Variants in NCAPD2 observed in about 807,000 individuals in gnomAD.
NCAPD2 encodes the protein condensin complex subunit 1.
A neutral mutation model predicts 164.5 loss-of-function variants in NCAPD2; 100 were observed. The ratio of observed to expected loss-of-function variants is 0.61; its 90% CI spans 0.52 to 0.72. The LOEUF (loss-of-function observed/expected upper bound fraction) is 0.72, where lower values mean the gene tolerates loss of function less well. Among genes scored for constraint, NCAPD2 ranks in the 30% least tolerant of loss-of-function variants. The pLI is 0.00. For synonymous variants in NCAPD2, 585 were observed against 642.6 expected (o/e 0.91, Z 1.36); for missense variants, 1,560 against 1,749.2 (o/e 0.89, Z 1.93).
intron 2 of NCAPD2, among the ~76,000 whole-genome samples, chr12:6,503,265 CTG>C (rs1946055544): frequency 8.6e-3 from 2 of 232 alleles, no homozygotes; most frequent in Non-Finnish European, 0.018. Flanking sequence ...AGAAAATGGA[CTG>C]AGAAAAATAT....
intron 13 of NCAPD2, 40 bp downstream of exon 13, chr12:6,517,999 G>A (rs1208646067): frequency 6.3e-7 from 1 of 1,591,764 alleles, no homozygotes; most frequent in Non-Finnish European, 8.6e-7. Context: ...ATCTGTTTAT[G>A]TTTAGAGTTA....
intron 2 of NCAPD2, 79 bp from the exon 3 acceptor site, chr12:6,509,638 C>G: frequency 7.9e-7 from 1 of 1,268,298 alleles, no homozygotes; most frequent in Non-Finnish European, 1.1e-6. Flanking sequence ...AGCAATAAAC[C>G]TAGTTTTCTG....
intron 11 of NCAPD2, 21 bp downstream of exon 11, chr12:6,517,520 A>G (rs768725543): frequency 6.2e-7 from 1 of 1,614,230 alleles, no homozygotes; most frequent in East Asian, 2.2e-5. Flanking sequence ...TTGGTCCACC[A>G]AAAGAGAAGG....
chr12:6,501,307 C>T (rs960233013), intron 2 of NCAPD2, among the ~76,000 whole-genome samples: 1 of 135,576 alleles, frequency 7.4e-6, no homozygotes, highest in African/African-American at 2.8e-5. Flanking sequence ...GTGGCACCAT[C>T]TCGGTTCACT....
At chr12:6,511,086 C>T in intron 5 of NCAPD2, 24 bp from the exon 6 acceptor site, 1 of 1,604,884 alleles carries the variant, frequency 6.2e-7, no homozygotes. Context: ...ATTTTTTCCT[C>T]AATGTATACA....
Position 6,526,624 on chromosome 12 carries a change from G to A in NCAPD2, c.2734+9G>A, listed in dbSNP as rs1450379952. On this transcript the variant is annotated intron_variant, in intron 21 of 31. Transcript: ENST00000315579. ...CAGTCAGGAGGACCCGAGTAAGTGG[G>A]CAGGGGTTGACCCACTGCGGCAGCC... 2 of 1,611,692 alleles carry A rather than the reference G, an allele frequency of 1.2e-6. No homozygotes were observed. Among genetic ancestry groups the A allele is most frequent in the South Asian group, 2.2e-5 (2 of 91,002 alleles).
intron 17 of NCAPD2, 127 bp from the exon 18 acceptor site, chr12:6,525,453 CTCT>C: frequency 9.1e-7 from 1 of 1,099,692 alleles, no homozygotes; most frequent in Non-Finnish European, 1.3e-6. Flanking sequence ...TTTGAACCTC[CTCT>C]TTTCTTTTTC....
chr12:6,505,581 G>A (rs982715113), intron 2 of NCAPD2, among the ~76,000 whole-genome samples: 2 of 152,202 alleles, frequency 1.3e-5, no homozygotes. Context: ...GCTCGCGCCT[G>A]TAATTCTAGC....
At chr12:6,501,401 T>G (rs184154785) in intron 2 of NCAPD2, among the ~76,000 whole-genome samples, 6 of 152,262 alleles carry the variant, frequency 3.9e-5, no homozygotes, top group African/African-American at 1.2e-4. Flanking sequence ...TTGTCCAGTC[T>G]GGTCTTGAAC....
intron 2 of NCAPD2, among the ~76,000 whole-genome samples, chr12:6,505,180 C>T (rs1445485260): frequency 6.6e-6 from 1 of 152,166 alleles, no homozygotes; most frequent in Admixed American, 6.5e-5. Context: ...GATTCTCCTG[C>T]CTAAGCCTCC....
chr12:6,525,985 C>A, intron 18 of NCAPD2, 83 bp from the exon 19 acceptor site: 1 of 1,533,632 alleles, frequency 6.5e-7, no homozygotes, highest in Non-Finnish European at 8.8e-7. Context: ...ACATGAGGTG[C>A]TGGTACCTAC....
At chr12:6,527,689 C>T in intron 22 of NCAPD2, 88 bp from the exon 23 acceptor site, 2 of 1,238,478 alleles carry the variant, frequency 1.6e-6, no homozygotes, top group Admixed American at 2.1e-5. Flanking sequence ...TTTGCCCTTC[C>T]TCACTTTGTT....
chr12:6,509,016 C>T (rs1946121834), intron 2 of NCAPD2, among the ~76,000 whole-genome samples: 1 of 151,258 alleles, frequency 6.6e-6, no homozygotes, highest in African/African-American at 2.4e-5. Flanking sequence ...GGAAGGAGAC[C>T]TGACAACTAA....
At chr12:6,524,803 T>TAGC (rs1443813191) in intron 17 of NCAPD2, among the ~76,000 whole-genome samples, 1 of 152,214 alleles carries the variant, frequency 6.6e-6, no homozygotes. Context: ...TTCTGCTTTG[T>TAGC]AGCATTTGCA....
chr12:6,527,131 T>C (rs1247975212), intron 22 of NCAPD2, 68 bp downstream of exon 22: 2 of 1,455,816 alleles, frequency 1.4e-6, no homozygotes, highest in Non-Finnish European at 1.8e-6. Flanking sequence ...GCTGATCCCC[T>C]TCCGGCAATC....
At chr12:6,505,577 G>A (rs538086261) in intron 2 of NCAPD2, among the ~76,000 whole-genome samples, 2 of 152,082 alleles carry the variant, frequency 1.3e-5, no homozygotes, top group Admixed American at 6.6e-5. Flanking sequence ...GGTGGCTCGC[G>A]CCTGTAATTC....
intron 13 of NCAPD2, among the ~76,000 whole-genome samples, chr12:6,519,101 A>G (rs868577907): frequency 5.3e-5 from 8 of 151,796 alleles, no homozygotes; most frequent in South Asian, 2.1e-4. Context: ...CGTGTTAGCC[A>G]GGATGGTCTC....
Position 6,520,993 on chromosome 12 carries a change from A to G in NCAPD2, c.1597A>G (p.Ile533Val), listed in dbSNP as rs368311206. The G allele has an allele frequency of 3.1e-6, 5 of 1,613,964 alleles. No homozygotes were observed. Among genetic ancestry groups the G allele is most frequent in the Non-Finnish European group, 4.2e-6 (5 of 1,179,926 alleles). ...LLAKASYKKA[I>V]ILTREATGHF... ...AGGCTGGTGTTCTTTCAGAAAGGCC[A>G]TCATTCTCACTCGAGAAGCCACAGG... The change falls in exon 14 of 32, where the codon ATC becomes GTC. Residue 533 changes from isoleucine (I) to valine (V), a missense_variant. By Grantham distance (29) the Ile-to-Val change is conservative. Coordinates refer to ENST00000315579, the MANE Select transcript of NCAPD2 (RefSeq NM_014865.4).
intron 2 of NCAPD2, among the ~76,000 whole-genome samples, chr12:6,497,635 G>C (rs548410085): frequency 2.2e-5 from 1 of 45,996 alleles, no homozygotes; most frequent in South Asian, 7.3e-4. Flanking sequence ...TGTTGTTGTT[G>C]TTGAGACTGA....
Sources: allele counts gnomAD v4.1 joint callset (sites outside exome capture counted in the v4.1 genomes callset), GRCh38; gene constraint gnomAD v4.1.1; transcripts MANE v1.5; gene names NCBI Gene and HGNC (gene_info 2026-07-23, HGNC 2026-07-21).